The following PTPRN2 variants were observed in gnomAD, a reference collection of about 807,000 sequenced individuals.
PTPRN2 encodes the protein protein tyrosine phosphatase receptor type N2.
A neutral mutation model predicts 118.8 loss-of-function variants in PTPRN2; 74 were observed. The ratio of observed to expected loss-of-function variants is 0.62; its 90% CI spans 0.52 to 0.76. The LOEUF is 0.76. Ranked by LOEUF, PTPRN2 falls within the 30% of genes least tolerant of loss-of-function variation. PTPRN2 has a pLI of 0.00. For missense variants in PTPRN2, 1,481 were observed against 1,394.4 expected, an observed-to-expected ratio of 1.06 and a Z score of -0.99; for synonymous variants, 641 against 608.0, an observed-to-expected ratio of 1.05 and a Z score of -0.80.
Position 157,903,439 on chromosome 7 carries a change from C to T in PTPRN2, c.1724-4702G>A, listed in dbSNP as rs1385965038. On this transcript the variant is annotated intron_variant, in intron 11 of 22. Coordinates refer to ENST00000389418, the MANE Select transcript of PTPRN2 (RefSeq NM_002847.5). The surrounding 1 kb of genome is among the most constrained non-coding windows in gnomAD (Gnocchi z 4.2). ...CAGCACCACCAGTATACCCAGGTCA[C>T]AAGCCTGCACATGTACTCCCAGATT... Among the ~76,000 whole-genome samples, 1 of 152,126 alleles carries T rather than the reference C, an allele frequency of 6.6e-6. No individual in the cohort carries two copies. Among genetic ancestry groups the T allele is most frequent in the Non-Finnish European group, 1.5e-5 (1 of 68,042 alleles).
In PTPRN2 at chr7:158,228,897, A is replaced by G. The variant is rs1585908951; in HGVS notation, c.278-23624T>C. On this transcript the variant is annotated intron_variant, in intron 3 of 22. Transcript: ENST00000389418. ...AACATCCCTGAGGACAGCCAGAGATAAAAGGGGGAGGTGGGACTATAGTCC... is the reference window on the plus strand; with the variant it reads ...AACATCCCTGAGGACAGCCAGAGATGAAAGGGGGAGGTGGGACTATAGTCC... 3.3e-5 allele frequency among the ~76,000 whole-genome samples: 5 copies of G among 152,254 alleles called. No homozygotes were observed. In the Middle Eastern group the frequency reaches 0.014, roughly 414 times the overall value.
chr7:158,421,386 A>T (rs1815233715), intron 2 of PTPRN2, among the ~76,000 whole-genome samples: 1 of 152,186 alleles, frequency 6.6e-6, no homozygotes. Flanking sequence ...TGGGTTTTTG[A>T]ACACTGAGCG....
intron 5 of PTPRN2, among the ~76,000 whole-genome samples, chr7:158,180,603 T>C (rs1033867064): frequency 6.6e-6 from 1 of 152,236 alleles, no homozygotes; most frequent in Non-Finnish European, 1.5e-5. Flanking sequence ...GTTTGTGTCA[T>C]CTACAGTGTA....
chr7:157,935,696 G>A (rs751342817), intron 11 of PTPRN2, among the ~76,000 whole-genome samples: 2 of 152,186 alleles, frequency 1.3e-5, no homozygotes, highest in African/African-American at 2.4e-5. Flanking sequence ...GATGAACATT[G>A]GCGGGTACAT....
chr7:158,050,119 A>G (rs1459784848), intron 11 of PTPRN2, among the ~76,000 whole-genome samples: 1 of 152,210 alleles, frequency 6.6e-6, no homozygotes, highest in Non-Finnish European at 1.5e-5. Context: ...TGTTCCTGAA[A>G]AGGTACATCA....
chr7:158,113,338 C>T (rs544613829), intron 9 of PTPRN2, among the ~76,000 whole-genome samples: 2 of 152,062 alleles, frequency 1.3e-5, no homozygotes, highest in African/African-American at 4.8e-5. Context: ...GTAAGAGCTG[C>T]CCAGGGTTCT....
At chr7:158,270,873 CCT>C (rs1268854528) in intron 3 of PTPRN2, among the ~76,000 whole-genome samples, 4 of 84,156 alleles carry the variant, frequency 4.8e-5, no homozygotes, top group African/African-American at 1.7e-4. Flanking sequence ...TGGACCGCCC[CCT>C]CCACCTGGAT....
chr7:157,799,185 AGGAAGGGCTGGGT>A (rs929996003), intron 12 of PTPRN2, among the ~76,000 whole-genome samples: 8 of 152,010 alleles, frequency 5.3e-5, no homozygotes, highest in African/African-American at 1.9e-4. Context: ...GCTCGTGGGG[AGGAAGGGCTGGGT>A]GAGGCTGGAG....
chr7:158,340,486 T>G (rs62481710), intron 2 of PTPRN2, among the ~76,000 whole-genome samples: 38,762 of 44,716 alleles, frequency 0.87, 17,045 homozygotes, highest in Non-Finnish European at 0.91. Flanking sequence ...CTCACCATAA[T>G]AGGTGACACC....
intron 6 of PTPRN2, among the ~76,000 whole-genome samples, chr7:158,141,868 C>T (rs980962239): frequency 3.3e-5 from 5 of 152,212 alleles, no homozygotes; most frequent in Admixed American, 2.0e-4. Flanking sequence ...ATGAAGCGGA[C>T]AGAGTCCTTT....
intron 3 of PTPRN2, among the ~76,000 whole-genome samples, chr7:158,215,976 C>A (rs755566681): frequency 9.9e-5 from 15 of 152,112 alleles, no homozygotes; most frequent in Non-Finnish European, 2.2e-4. Context: ...GTACAATAAG[C>A]ATTCCTTGAG....
chr7:158,170,701 C>T (rs1269905363), intron 5 of PTPRN2, among the ~76,000 whole-genome samples: 1 of 152,172 alleles, frequency 6.6e-6, no homozygotes, highest in African/African-American at 2.4e-5. Context: ...CCAAGAGGGC[C>T]TGAGAGTTGG....
At chr7:158,321,569 G>A (rs1214085121) in intron 2 of PTPRN2, among the ~76,000 whole-genome samples, 1 of 152,212 alleles carries the variant, frequency 6.6e-6, no homozygotes, top group Non-Finnish European at 1.5e-5. Context: ...CTTGGGTGAT[G>A]GAGCCCATCC....
intron 11 of PTPRN2, among the ~76,000 whole-genome samples, chr7:158,072,930 A>G (rs1423575842): frequency 6.6e-6 from 1 of 152,204 alleles, no homozygotes; most frequent in East Asian, 1.9e-4. Flanking sequence ...GCTTGTCCCA[A>G]GGGGCCCATA....
At chr7:158,560,573 G>A (rs1224261348) in intron 1 of PTPRN2, among the ~76,000 whole-genome samples, 1 of 152,388 alleles carries the variant, frequency 6.6e-6, no homozygotes, top group East Asian at 1.9e-4. Context: ...CGCTCCGCGC[G>A]CAGGACTGTG....
At chr7:158,276,188 A>G (rs1798949509) in intron 3 of PTPRN2, among the ~76,000 whole-genome samples, 1 of 151,634 alleles carries the variant, frequency 6.6e-6, no homozygotes, top group Non-Finnish European at 1.5e-5. Context: ...CTGCCCTTGA[A>G]GCACAGCTCC....
At chr7:158,157,507 T>A (rs1256762585) in intron 6 of PTPRN2, among the ~76,000 whole-genome samples, 1 of 152,228 alleles carries the variant, frequency 6.6e-6, no homozygotes, top group Non-Finnish European at 1.5e-5. Context: ...CTGAAAGCAG[T>A]GACTCTGCAC....
At chr7:158,571,505 A>C (rs1828031664) in intron 1 of PTPRN2, among the ~76,000 whole-genome samples, 3 of 148,330 alleles carry the variant, frequency 2.0e-5, no homozygotes, top group African/African-American at 5.0e-5. Context: ...AAAAAAACAA[A>C]AAAAAACACA....
At chr7:158,482,457 G>A (rs1210838516) in intron 2 of PTPRN2, among the ~76,000 whole-genome samples, 1 of 152,146 alleles carries the variant, frequency 6.6e-6, no homozygotes, top group Non-Finnish European at 1.5e-5. Flanking sequence ...TTAACACTGC[G>A]GCAAGACCCT....
Sources: gnomAD v4.1 joint callset for allele counts (sites outside exome capture counted in the v4.1 genomes callset) on GRCh38, gnomAD v4.1.1 for gene constraint, Gnocchi (gnomAD v3.1) non-coding constraint, MANE v1.5 for transcripts, NCBI Gene and HGNC (gene_info 2026-07-23, HGNC 2026-07-21) for gene names.